The following GPR158 variants were observed in gnomAD, a reference collection of about 807,000 sequenced individuals.
GPR158 encodes G protein-coupled receptor 158.
GPR158 carries 30 observed loss-of-function variants against 78.2 expected under a neutral mutation model. That is an observed-to-expected ratio of 0.38 (90% confidence interval 0.29 to 0.52). The LOEUF is 0.52. GPR158 is among the 20% of genes least tolerant of loss of function. The pLI is 0.83. For missense variants in GPR158, 1,463 were observed against 1,523.5 expected (o/e 0.96, Z 0.66); for synonymous variants, 581 against 591.1 (o/e 0.98, Z 0.25).
intron 2 of GPR158, among the ~76,000 whole-genome samples, chr10:25,297,720 AC>A (rs1232681757): frequency 6.6e-6 from 1 of 152,204 alleles, no homozygotes; most frequent in African/African-American, 2.4e-5. Flanking sequence ...GTGAACCATG[AC>A]CTATAGAAAG....
chr10:25,413,858 C>T (rs1012592063), intron 4 of GPR158, among the ~76,000 whole-genome samples: 1 of 152,270 alleles, frequency 6.6e-6, no homozygotes, highest in Admixed American at 6.5e-5. Context: ...TAAGTGCAGA[C>T]AGGCAGATAG....
At chr10:25,396,789 A>T (rs574194802) in intron 3 of GPR158, among the ~76,000 whole-genome samples, 1 of 152,338 alleles carries the variant, frequency 6.6e-6, no homozygotes, top group South Asian at 2.1e-4. Flanking sequence ...TATAGTTTCA[A>T]AAAATAAAAA....
chr10:25,379,647 C>CTTTTTTTTTTTTTTTT (rs11393897), intron 2 of GPR158, among the ~76,000 whole-genome samples: 1 of 106,986 alleles, frequency 9.3e-6, no homozygotes, highest in Non-Finnish European at 1.8e-5. Context: ...TGAGGATTAG[C>CTTTTTTTTTTTTTTTT]TTTTTTTTTT....
intron 5 of GPR158, among the ~76,000 whole-genome samples, chr10:25,486,964 G>C (rs997812024): frequency 7.9e-5 from 12 of 152,132 alleles, no homozygotes; most frequent in Non-Finnish European, 1.2e-4. Context: ...AAAAGGGGGA[G>C]AATTCATATA....
intron 7 of GPR158, among the ~76,000 whole-genome samples, chr10:25,578,103 T>C (rs1837130610): frequency 6.6e-6 from 1 of 152,212 alleles, no homozygotes; most frequent in Admixed American, 6.5e-5. Context: ...TAACAATACA[T>C]ACTATGGTAC....
chr10:25,599,014 G>A lies in GPR158; in HGVS notation c.3388G>A (p.Glu1130Lys). Residue 1130 changes from glutamate to lysine, a missense_variant, in exon 11 of 11, where the codon GAG becomes AAG. Coordinates refer to ENST00000376351, the MANE Select transcript of GPR158 (RefSeq NM_020752.3). ...CCCCAAAGCTGTAGCATCAAAAACA[G>A]AGAATGAAAATCTCAACCAAATAGG... The part of the protein sequence containing the change: ...LPPKAVASKT[E>K]NENLNQIGHQ... 1 of 1,614,144 alleles carries A rather than the reference G, an allele frequency of 6.2e-7. No homozygotes were observed. Among genetic ancestry groups the A allele is most frequent in the Non-Finnish European group, 8.5e-7 (1 of 1,180,020 alleles).
intron 5 of GPR158, among the ~76,000 whole-genome samples, chr10:25,549,183 C>T (rs1396566837): frequency 6.6e-6 from 1 of 151,804 alleles, no homozygotes; most frequent in Non-Finnish European, 1.5e-5. Flanking sequence ...TGTGTAGTCT[C>T]TCATCTATTA....
rs1853757588 is a variant in GPR158 at position 25,249,484 on chromosome 10, C to G, written c.1008+28327C>G. ...AGCTCTTATTATTTTGAAATACGTC[C>G]CATCAATACCTAATTTATTGAGAGT... On this transcript the variant is annotated intron_variant, in intron 2 of 10. Transcript: ENST00000376351. 2.6e-5 allele frequency among the ~76,000 whole-genome samples: 4 copies of G among 151,716 alleles called. No homozygotes were observed. In the South Asian group the frequency reaches 8.4e-4, roughly 32 times the overall value.
At position 25,175,566 on chromosome 10, in the gene GPR158, C is replaced by T. The variant is rs754629829; in HGVS notation, c.146C>T (p.Pro49Leu). 7.4e-6 allele frequency: 12 copies of T among 1,610,830 alleles called. No homozygotes were observed. The highest frequency in any genetic ancestry group is 1.3e-5 in the African/African-American group (1 of 74,918). ...AAGGGGAAGCCGCACGCCCAGCAGC[C>T]GGGTCGAGCCTCTGCCTCGGACTCC... ...TPKGKPHAQQ[P>L]GRASASDSSA... The change falls in exon 1 of 11, where the codon CCG becomes CTG. Residue 49 changes from proline to leucine, a missense_variant. Pro to Leu is a moderately conservative substitution (Grantham distance 98, BLOSUM62 -3). Coordinates refer to ENST00000376351, the MANE Select transcript of GPR158 (RefSeq NM_020752.3). The surrounding 1 kb of genome is among the most constrained non-coding windows in gnomAD (Gnocchi z 6.4).
chr10:25,394,435 T>C (rs1443340173), intron 2 of GPR158, among the ~76,000 whole-genome samples: 1 of 152,252 alleles, frequency 6.6e-6, no homozygotes, highest in Admixed American at 6.5e-5. Context: ...TTCTTTTATT[T>C]ACATAGTTTA....
At chr10:25,412,146 A>C (rs1834599934) in intron 3 of GPR158, 104 bp from the exon 4 acceptor site, 1 of 774,956 alleles carries the variant, frequency 1.3e-6, no homozygotes, top group Non-Finnish European at 2.3e-6. Context: ...GTCTTTAATA[A>C]GTGAGAAAAG....
At chr10:25,466,051 T>C (rs1475073265) in intron 4 of GPR158, 1 of 152,150 alleles carries the variant, frequency 6.6e-6, no homozygotes, top group Admixed American at 6.6e-5. Context: ...CACAGGCGGA[T>C]AGAAAATAAG....
At position 25,466,678 on chromosome 10, in the gene GPR158, T is replaced by C. The variant is rs760901004; in HGVS notation, c.1363T>C (p.Leu455=). The change falls in exon 5 of 11, where the codon TTG becomes CTG. Residue 455 remains leucine, a synonymous_variant. Coordinates refer to ENST00000376351, the MANE Select transcript of GPR158 (RefSeq NM_020752.3). ...KSIRASGLIL[L]ETILFGSLLL... ...CATCCGGGCATCGGGCCTTATCCTGTTGGAAACGATCCTTTTTGGATCTCT... is the reference window on the plus strand; with the variant it reads ...CATCCGGGCATCGGGCCTTATCCTGCTGGAAACGATCCTTTTTGGATCTCT... The C allele has an allele frequency of 3.1e-6, 5 of 1,607,682 alleles. No homozygotes were observed. In the African/African-American group the frequency reaches 4.0e-5, roughly 13 times the overall value.
At chr10:25,354,842 T>C in intron 2 of GPR158, among the ~76,000 whole-genome samples, 1 of 152,118 alleles carries the variant, frequency 6.6e-6, no homozygotes, top group East Asian at 1.9e-4. Flanking sequence ...TATTCTTGGA[T>C]GGCAGTTGTT....
intron 2 of GPR158, among the ~76,000 whole-genome samples, chr10:25,349,620 C>T (rs1855425488): frequency 6.8e-6 from 1 of 146,796 alleles, no homozygotes; most frequent in Non-Finnish European, 1.5e-5. Flanking sequence ...TTCCCCTTCA[C>T]CTTCTTCCAT....
chr10:25,371,494 G>A (rs1037330864), intron 2 of GPR158, among the ~76,000 whole-genome samples: 1 of 151,240 alleles, frequency 6.6e-6, no homozygotes, highest in African/African-American at 2.4e-5. Context: ...CATGGTACTG[G>A]TACCAAAACA....
chr10:25,521,909 AGAT>A (rs1320480330), intron 5 of GPR158, among the ~76,000 whole-genome samples: 2 of 152,222 alleles, frequency 1.3e-5, no homozygotes, highest in Non-Finnish European at 2.9e-5. Flanking sequence ...GACAATAAGA[AGAT>A]GATAATTTTT....
At chr10:25,233,184 T>C (rs1020524125) in intron 2 of GPR158, among the ~76,000 whole-genome samples, 1 of 152,238 alleles carries the variant, frequency 6.6e-6, no homozygotes, top group African/African-American at 2.4e-5. Flanking sequence ...ATCTTTATTC[T>C]AAATATGTGG....
intron 5 of GPR158, among the ~76,000 whole-genome samples, chr10:25,501,976 A>G (rs1367865191): frequency 1.3e-5 from 2 of 152,062 alleles, no homozygotes; most frequent in African/African-American, 4.8e-5. Flanking sequence ...CCCTACATAC[A>G]CCATACCAGG....
Sources: gnomAD v4.1 joint callset for allele counts (sites outside exome capture counted in the v4.1 genomes callset) on GRCh38, gnomAD v4.1.1 for gene constraint, Gnocchi (gnomAD v3.1) non-coding constraint, MANE v1.5 for transcripts, NCBI Gene and HGNC (gene_info 2026-07-23, HGNC 2026-07-21) for gene names.